The following KLHL1 variants were observed in gnomAD, a reference collection of about 807,000 sequenced individuals.
KLHL1 encodes the protein kelch-like protein 1.
Under a neutral mutation model 77.7 loss-of-function variants are expected in KLHL1, and 47 were observed. That is an observed-to-expected ratio of 0.60 (90% CI 0.48 to 0.77). KLHL1 has a LOEUF of 0.77. Ranked by LOEUF, KLHL1 falls within the 30% of genes least tolerant of loss-of-function variation. KLHL1 has a pLI of 0.00. For synonymous variants in KLHL1, 360 were observed against 325.2 expected (o/e 1.11, Z -1.15); for missense variants, 925 against 910.8 (o/e 1.02, Z -0.20).
In KLHL1 at chr13:69,961,564, T is replaced by C. The variant is rs535222263; in HGVS notation, c.681-120A>G. 6 of 1,052,254 alleles carry C rather than the reference T, an allele frequency of 5.7e-6. No individual in the cohort carries two copies. In the Admixed American group the frequency reaches 7.0e-5, roughly 12 times the overall value. The allele number at this position is 1,052,254 out of a possible 1,614,324, so 65.2% of individuals were successfully genotyped here. A position where few individuals can be genotyped will look rare whatever the true frequency, so the allele number is the denominator to read the frequency against. Reference sequence around the variant, plus strand: ...TTGATCAATCAATTAATGCATTTTATTTATTGCCTCATGAGTTGTACTTTA... The same window carrying C: ...TTGATCAATCAATTAATGCATTTTACTTATTGCCTCATGAGTTGTACTTTA... On this transcript the variant is annotated intron_variant, in intron 2 of 10. Coordinates refer to ENST00000377844, the MANE Select transcript of KLHL1 (RefSeq NM_020866.3).
chr13:69,725,006 CAT>C (rs1239159612), intron 8 of KLHL1, among the ~76,000 whole-genome samples: 2 of 152,110 alleles, frequency 1.3e-5, no homozygotes, highest in African/African-American at 4.8e-5. Context: ...GAATGCTGCA[CAT>C]GTGGTGGGTT....
chr13:69,840,814 T>C (rs1387037273), intron 5 of KLHL1, among the ~76,000 whole-genome samples: 2 of 151,446 alleles, frequency 1.3e-5, no homozygotes, highest in African/African-American at 4.8e-5. Flanking sequence ...CCAAAGGGAC[T>C]ATTTCTAACA....
intron 4 of KLHL1, among the ~76,000 whole-genome samples, chr13:69,911,705 A>G (rs187067102): frequency 1.3e-5 from 2 of 152,236 alleles, no homozygotes; most frequent in Non-Finnish European, 2.9e-5. Flanking sequence ...CAACTGTGGA[A>G]ATACCTGGTT....
At chr13:69,966,708 T>C (rs1010706395) in intron 2 of KLHL1, among the ~76,000 whole-genome samples, 1 of 152,174 alleles carries the variant, frequency 6.6e-6, no homozygotes, top group Non-Finnish European at 1.5e-5. Context: ...GTATCCATCA[T>C]CTAAATAATG....
chr13:70,100,768 C>T (rs574414086), intron 1 of KLHL1, among the ~76,000 whole-genome samples: 2 of 152,184 alleles, frequency 1.3e-5, no homozygotes, highest in South Asian at 2.1e-4. Context: ...TAAACTAATC[C>T]TTATCTGACC....
chr13:69,916,051 C>T (rs1344148735), intron 4 of KLHL1, among the ~76,000 whole-genome samples: 4 of 152,154 alleles, frequency 2.6e-5, no homozygotes, highest in Non-Finnish European at 5.9e-5. Flanking sequence ...TACCATCTCA[C>T]ACCAGTTAGA....
At chr13:69,911,155 T>A (rs1265849650) in intron 4 of KLHL1, among the ~76,000 whole-genome samples, 1 of 152,118 alleles carries the variant, frequency 6.6e-6, no homozygotes, top group African/African-American at 2.4e-5. Flanking sequence ...TAATTCTTAT[T>A]TTTTCATTTT....
chr13:69,795,204 G>C (rs1185984308), intron 7 of KLHL1, among the ~76,000 whole-genome samples: 1 of 152,124 alleles, frequency 6.6e-6, no homozygotes, highest in Non-Finnish European at 1.5e-5. Flanking sequence ...TTCTACAAGG[G>C]CATTGTCAGT....
At chr13:70,079,582 G>A (rs146544839) in intron 1 of KLHL1, among the ~76,000 whole-genome samples, 102 of 152,106 alleles carry the variant, frequency 6.7e-4, no homozygotes, top group African/African-American at 2.4e-3. Context: ...ATGTTTTTGA[G>A]ACCACTTATA....
rs1385854373 is a variant in KLHL1, at chr13:69,828,018, T to C, written c.1414+10958A>G. ...GTAATATATGTCATTGATGTGAAAA[T>C]GGCAGATAGGATACAGGACTAACTT... On this transcript the variant is annotated intron_variant, in intron 6 of 10. Coordinates refer to ENST00000377844, the MANE Select transcript of KLHL1 (RefSeq NM_020866.3). Among the ~76,000 whole-genome samples the C allele has an allele frequency of 2.0e-5, 3 of 150,282 alleles. 1 individual carries two copies. The highest frequency in any genetic ancestry group is 7.5e-5 in the African/African-American group (3 of 40,076).
At chr13:70,029,672 A>G (rs938499926) in intron 1 of KLHL1, among the ~76,000 whole-genome samples, 11 of 152,222 alleles carry the variant, frequency 7.2e-5, no homozygotes, top group Non-Finnish European at 1.2e-4. Flanking sequence ...AAGACCATCG[A>G]TGCTAGGAAG....
intron 1 of KLHL1, among the ~76,000 whole-genome samples, chr13:70,060,097 A>T (rs1015051533): frequency 6.6e-6 from 1 of 152,216 alleles, no homozygotes; most frequent in Non-Finnish European, 1.5e-5. Flanking sequence ...AATCTGATCA[A>T]ATATGGGCAA....
chr13:69,805,095 G>A (rs867782446), intron 6 of KLHL1, among the ~76,000 whole-genome samples: 2 of 151,732 alleles, frequency 1.3e-5, no homozygotes, highest in Non-Finnish European at 2.9e-5. Context: ...TATTTTTCCA[G>A]CACAAATAAA....
intron 5 of KLHL1, among the ~76,000 whole-genome samples, chr13:69,842,077 A>G (rs1327591091): frequency 6.6e-6 from 1 of 151,960 alleles, no homozygotes; most frequent in Non-Finnish European, 1.5e-5. Context: ...TTGCAAAACT[A>G]TTAATATAAA....
chr13:70,024,746 C>T (rs2011847), intron 1 of KLHL1, among the ~76,000 whole-genome samples: 42,786 of 151,128 alleles, frequency 0.28, 6,474 homozygotes, highest in East Asian at 0.59. Flanking sequence ...GAGAAGAACT[C>T]GCACAGCACA....
At chr13:70,010,896 A>T (rs1266458369) in intron 1 of KLHL1, among the ~76,000 whole-genome samples, 1 of 122,974 alleles carries the variant, frequency 8.1e-6, no homozygotes, top group East Asian at 2.1e-4. Context: ...CCGTCTCAAA[A>T]AAAAATAATA....
chr13:69,808,373 T>A (rs1030039839), intron 6 of KLHL1, among the ~76,000 whole-genome samples: 2 of 152,062 alleles, frequency 1.3e-5, no homozygotes, highest in Admixed American at 1.3e-4. Flanking sequence ...CTGAATTACA[T>A]CACCAGACAA....
chr13:69,961,184 A>G (rs558444792), intron 3 of KLHL1, 124 bp downstream of exon 3: 1 of 785,060 alleles, frequency 1.3e-6, no homozygotes. Flanking sequence ...TTGATCTACT[A>G]GTTTTCAACT....
intron 7 of KLHL1, among the ~76,000 whole-genome samples, chr13:69,788,601 T>G (rs1469689137): frequency 6.6e-6 from 1 of 152,142 alleles, no homozygotes; most frequent in Non-Finnish European, 1.5e-5. Context: ...ACATGGCACA[T>G]GTATGCATAT....
Sources: allele counts gnomAD v4.1 joint callset (sites outside exome capture counted in the v4.1 genomes callset), GRCh38; gene constraint gnomAD v4.1.1; transcripts MANE v1.5; gene names NCBI Gene and HGNC (gene_info 2026-07-23, HGNC 2026-07-21).